The following GABRB2 variants were observed in gnomAD, a reference collection of about 807,000 sequenced individuals.
GABRB2 encodes gamma-aminobutyric acid receptor subunit beta-2.
GABRB2 carries 16 observed loss-of-function variants against 54.7 expected under a neutral mutation model. The observed-to-expected ratio is 0.29, with a 90% CI of 0.20 to 0.44. GABRB2 has a LOEUF of 0.44. Among genes scored for constraint, GABRB2 ranks in the 20% least tolerant of loss-of-function variants. GABRB2 has a pLI of 1.00. For synonymous variants in GABRB2, 244 were observed against 233.8 expected, an observed-to-expected ratio of 1.04 and a Z score of -0.40; for missense variants, 355 against 644.0, an observed-to-expected ratio of 0.55 and a Z score of 4.86.
intron 3 of GABRB2, among the ~76,000 whole-genome samples, chr5:161,498,439 G>A (rs981936593): frequency 8.6e-5 from 13 of 152,020 alleles, no homozygotes; most frequent in East Asian, 5.8e-4. Flanking sequence ...AAATGACCCC[G>A]TATTTTGGTT....
chr5:161,324,082 T>C (rs1561607626), intron 9 of GABRB2, among the ~76,000 whole-genome samples: 2 of 152,144 alleles, frequency 1.3e-5, no homozygotes, highest in Non-Finnish European at 2.9e-5. Flanking sequence ...GTTAAATGAA[T>C]TATGGCATGC....
chr5:161,289,720 T>C lies in GABRB2; in HGVS notation c.*4361A>G. The C allele has an allele frequency of 6.6e-6, 1 of 152,048 alleles. No homozygotes were observed. The allele number at this position is 152,048 out of a possible 1,614,324, so 9.4% of individuals were successfully genotyped here. On this transcript the variant is annotated 3_prime_UTR_variant, in exon 10 of 10. Transcript: ENST00000393959. ...TCTCTTGTTTGTTATATTGACTACA[T>C]AAATAGTAGAGTGTTTCCCATAGAC...
In GABRB2 at chr5:161,467,083, T is replaced by C. The variant is rs552188040; in HGVS notation, c.238-7239A>G. Among the ~76,000 whole-genome samples, 3 of 152,188 alleles carry C rather than the reference T, an allele frequency of 2.0e-5. No individual in the cohort carries two copies. The East Asian group carries it at 5.8e-4, about 30-fold the overall frequency. ...TTTTCATCAGTGATAAGGTATAGTCTGTTTAATTTGCTTTGTCCATTAGAA... is the reference window on the plus strand; with the variant it reads ...TTTTCATCAGTGATAAGGTATAGTCCGTTTAATTTGCTTTGTCCATTAGAA... On this transcript the variant is annotated intron_variant, in intron 3 of 9. Coordinates refer to ENST00000393959, the MANE Select transcript of GABRB2 (RefSeq NM_001371727.1).
intron 9 of GABRB2, among the ~76,000 whole-genome samples, chr5:161,313,489 A>G (rs1265510551): frequency 6.6e-6 from 1 of 151,844 alleles, no homozygotes; most frequent in Admixed American, 6.6e-5. Context: ...TGTACCATAG[A>G]CTATTCATTC....
chr5:161,416,356 A>G (rs1485911725), intron 4 of GABRB2, among the ~76,000 whole-genome samples: 3 of 152,112 alleles, frequency 2.0e-5, no homozygotes. Flanking sequence ...ATCATAATCA[A>G]GGTGACATAA....
At chr5:161,460,187 C>G (rs1054591913) in intron 3 of GABRB2, among the ~76,000 whole-genome samples, 1 of 152,162 alleles carries the variant, frequency 6.6e-6, no homozygotes, top group Non-Finnish European at 1.5e-5. Context: ...CTCAGGTAAT[C>G]TGGCTGCCAT....
At chr5:161,517,391 A>G (rs1393300026) in intron 3 of GABRB2, among the ~76,000 whole-genome samples, 2 of 152,200 alleles carry the variant, frequency 1.3e-5, no homozygotes, top group Non-Finnish European at 2.9e-5. Flanking sequence ...TTAAAATGTG[A>G]GCTAGATTAT....
intron 3 of GABRB2, among the ~76,000 whole-genome samples, chr5:161,516,181 T>C (rs1759941677): frequency 6.6e-6 from 1 of 152,236 alleles, no homozygotes. Flanking sequence ...TTAAAGACTT[T>C]TTTTACTGTT....
chr5:161,427,979 T>C (rs1757054001), intron 4 of GABRB2, among the ~76,000 whole-genome samples: 1 of 152,100 alleles, frequency 6.6e-6, no homozygotes, highest in African/African-American at 2.4e-5. Context: ...CACAACTGAT[T>C]TTACATTTAC....
intron 5 of GABRB2, among the ~76,000 whole-genome samples, chr5:161,368,334 G>T (rs998535946): frequency 1.3e-5 from 2 of 152,146 alleles, no homozygotes; most frequent in Non-Finnish European, 2.9e-5. Context: ...ATAGGCCAGA[G>T]ATTTGAGGAG....
chr5:161,489,866 T>G (rs2113349685), intron 3 of GABRB2, among the ~76,000 whole-genome samples: 1 of 151,902 alleles, frequency 6.6e-6, no homozygotes, highest in Middle Eastern at 3.4e-3. Flanking sequence ...TCCTTCTCTT[T>G]ATGAGATTGC....
chr5:161,506,598 G>A (rs1477205984), intron 3 of GABRB2, among the ~76,000 whole-genome samples: 1 of 152,096 alleles, frequency 6.6e-6, no homozygotes, highest in East Asian at 1.9e-4. Flanking sequence ...CTATTGTCAT[G>A]CTATAATGAC....
Position 161,293,955 on chromosome 5 carries a change from G to A in GABRB2, c.*126C>T, listed in dbSNP as rs1276089820. Reference sequence around the variant, plus strand: ...ATGGTATGAAATGGACCACAGGATAGGCCAGCAACTAAGGTATTTTAGCGT... The same window carrying A: ...ATGGTATGAAATGGACCACAGGATAAGCCAGCAACTAAGGTATTTTAGCGT... On this transcript the variant is annotated 3_prime_UTR_variant, in exon 10 of 10. Coordinates refer to ENST00000393959, the MANE Select transcript of GABRB2 (RefSeq NM_001371727.1). 7 of 715,612 alleles carry A rather than the reference G, an allele frequency of 9.8e-6. No individual in the cohort carries two copies. Among genetic ancestry groups the A allele is most frequent in the African/African-American group, 7.2e-5 (4 of 55,848 alleles). The allele number at this position is 715,612 out of a possible 1,614,324, so 44.3% of individuals were successfully genotyped here.
chr5:161,406,776 G>A (rs111501330), intron 5 of GABRB2, among the ~76,000 whole-genome samples: 3 of 152,194 alleles, frequency 2.0e-5, no homozygotes, highest in South Asian at 4.1e-4. Context: ...AAAGGGCAGT[G>A]TGTAGGACTT....
At chr5:161,365,746 C>G (rs1256529077) in intron 5 of GABRB2, among the ~76,000 whole-genome samples, 1 of 152,160 alleles carries the variant, frequency 6.6e-6, no homozygotes. Context: ...ATCTCCAAAG[C>G]ATGTTTAAAT....
At chr5:161,405,352 T>C (rs1756319576) in intron 5 of GABRB2, among the ~76,000 whole-genome samples, 1 of 152,066 alleles carries the variant, frequency 6.6e-6, no homozygotes, top group South Asian at 2.1e-4. Context: ...ATAATGATAA[T>C]GATGATGCTA....
intron 3 of GABRB2, among the ~76,000 whole-genome samples, chr5:161,506,334 G>T (rs2113391554): frequency 6.6e-6 from 1 of 152,184 alleles, no homozygotes; most frequent in East Asian, 1.9e-4. Flanking sequence ...TAAACTCAGT[G>T]CAAATAAGGT....
intron 3 of GABRB2, 50 bp downstream of exon 3, chr5:161,545,177 G>C: frequency 7.0e-7 from 1 of 1,422,326 alleles, no homozygotes; most frequent in Non-Finnish European, 9.6e-7. Context: ...TCTCCTTCCT[G>C]TCCCCAAACG....
At chr5:161,440,252 C>A (rs539374627) in intron 4 of GABRB2, among the ~76,000 whole-genome samples, 1 of 152,030 alleles carries the variant, frequency 6.6e-6, no homozygotes, top group Non-Finnish European at 1.5e-5. Flanking sequence ...TCAATAATGA[C>A]ATGAATGTAA....
Sources: allele counts gnomAD v4.1 joint callset (sites outside exome capture counted in the v4.1 genomes callset), GRCh38; gene constraint gnomAD v4.1.1; transcripts MANE v1.5; gene names NCBI Gene and HGNC (gene_info 2026-07-23, HGNC 2026-07-21).